ZC3H14: variants seen among roughly 807,000 people sequenced by gnomAD.
ZC3H14 encodes the protein zinc finger CCCH domain-containing protein 14.
A neutral mutation model predicts 92.4 loss-of-function variants in ZC3H14; 31 were observed. That is an observed-to-expected ratio of 0.34 (90% confidence interval 0.25 to 0.45). The LOEUF (loss-of-function observed/expected upper bound fraction) is 0.45. Among genes scored for constraint, ZC3H14 ranks in the 20% least tolerant of loss-of-function variants. The pLI is 1.00. For missense variants in ZC3H14, 781 were observed against 897.3 expected (o/e 0.87, Z 1.66); for synonymous variants, 321 against 300.9 (o/e 1.07, Z -0.69).
At chr14:88,596,464 C>T (rs1039786695) in intron 9 of ZC3H14, among the ~76,000 whole-genome samples, 4 of 152,074 alleles carry the variant, frequency 2.6e-5, no homozygotes, top group South Asian at 2.1e-4. Context: ...TTACTTTCCC[C>T]GCAGAATTCA....
chr14:88,571,427 A>T (rs1024864131), intron 4 of ZC3H14, among the ~76,000 whole-genome samples: 2 of 152,226 alleles, frequency 1.3e-5, no homozygotes, highest in African/African-American at 4.8e-5. Flanking sequence ...AAGTTCAGTC[A>T]TAATAAACGA....
intron 10 of ZC3H14, among the ~76,000 whole-genome samples, chr14:88,601,357 G>T (rs1442106328): frequency 6.6e-6 from 1 of 152,150 alleles, no homozygotes; most frequent in Non-Finnish European, 1.5e-5. Context: ...GTGAGCTTAT[G>T]GTTATTTGCA....
chr14:88,613,406 T>C lies in ZC3H14; in HGVS notation c.*1655T>C, dbSNP rs1004647441. The stretch of plus-strand genomic sequence containing the variant: ...TACTTTTAGCTATCATTTATAAAGA[T>C]AGTTTTGTTCTCAGTTTCACTATAA... On this transcript the variant is annotated 3_prime_UTR_variant, in exon 17 of 17. Transcript: ENST00000251038. 8.1e-5 allele frequency: 12 copies of C among 147,618 alleles called. 1 individual carries two copies. The highest frequency in any genetic ancestry group is 6.6e-4 in the Admixed American group (10 of 15,040). 9.1% of individuals were successfully genotyped at this position (147,618 alleles called of 1,614,324 possible). A position where few individuals can be genotyped will look rare whatever the true frequency, so the allele number is the denominator to read the frequency against.
In ZC3H14 at chr14:88,575,832, T is replaced by A; in HGVS notation, c.1023-8T>A. ...GTTTAATAAAAATACCTTTCTTAACTCTTTTAGACCTTCTCTTCCACCTTC... is the reference window on the plus strand; with the variant it reads ...GTTTAATAAAAATACCTTTCTTAACACTTTTAGACCTTCTCTTCCACCTTC... On this transcript the variant is annotated splice_region_variant and splice_polypyrimidine_tract_variant and intron_variant, in intron 7 of 16. Transcript: ENST00000251038. 6.2e-7 allele frequency: 1 copy of A among 1,608,728 alleles called. No homozygotes were observed. The highest frequency in any genetic ancestry group is 1.7e-5 in the Admixed American group (1 of 59,988).
chr14:88,610,748 G>A (rs1479336668), intron 15 of ZC3H14, 86 bp from the exon 16 acceptor site: 1 of 1,341,882 alleles, frequency 7.5e-7, no homozygotes, highest in Non-Finnish European at 1.1e-6. Flanking sequence ...GGGTGACAGA[G>A]TGAGACCCTG....
intron 9 of ZC3H14, among the ~76,000 whole-genome samples, chr14:88,583,058 A>G (rs1219929332): frequency 1.4e-5 from 2 of 146,122 alleles, no homozygotes; most frequent in Admixed American, 1.4e-4. Flanking sequence ...AAGACTTAAC[A>G]ACATTATTCT....
intron 10 of ZC3H14, among the ~76,000 whole-genome samples, chr14:88,597,851 T>C (rs553668745): frequency 2.4e-4 from 37 of 152,314 alleles, no homozygotes; most frequent in African/African-American, 8.7e-4. Context: ...TCCTTCAGCT[T>C]TTCATTGTAC....
intron 14 of ZC3H14, 122 bp downstream of exon 14, chr14:88,609,525 C>A: frequency 2.0e-6 from 3 of 1,500,904 alleles, no homozygotes; most frequent in Non-Finnish European, 9.2e-7. Flanking sequence ...ATCAGTTAAT[C>A]CAACCAGTCT....
In ZC3H14 at chr14:88,602,091, G is replaced by A. The variant is rs750360894; in HGVS notation, c.1514+8G>A. On this transcript the variant is annotated splice_region_variant and intron_variant, in intron 11 of 16. Transcript: ENST00000251038. ...ACACCTTATGCAGACACGGTAGATG[G>A]TTTCTTTTTCTTGTGTAGTTAATTT... The A allele has an allele frequency of 9.3e-6, 15 of 1,613,584 alleles. No homozygotes were observed. In the South Asian group the frequency reaches 1.4e-4, roughly 15 times the overall value.
chr14:88,600,333 C>T (rs1255047945), intron 10 of ZC3H14, among the ~76,000 whole-genome samples: 2 of 152,190 alleles, frequency 1.3e-5, no homozygotes, highest in Admixed American at 1.3e-4. Context: ...CCCTCTGTCC[C>T]GGGCAACAGC....
chr14:88,574,045 A>G (rs942587626), intron 6 of ZC3H14, among the ~76,000 whole-genome samples: 1 of 152,122 alleles, frequency 6.6e-6, no homozygotes, highest in African/African-American at 2.4e-5. Context: ...AGCATTTGAG[A>G]TATTAATCTT....
chr14:88,585,212 A>G (rs1479988822), intron 9 of ZC3H14, among the ~76,000 whole-genome samples: 3 of 152,136 alleles, frequency 2.0e-5, no homozygotes, highest in Admixed American at 1.3e-4. Flanking sequence ...TATTACAATT[A>G]CTGGTATAGT....
intron 10 of ZC3H14, among the ~76,000 whole-genome samples, chr14:88,601,583 A>G (rs1339506194): frequency 6.6e-6 from 1 of 152,238 alleles, no homozygotes; most frequent in Non-Finnish European, 1.5e-5. Context: ...AGGGAGCATT[A>G]GGACTCAAAT....
At position 88,611,812 on chromosome 14, in the gene ZC3H14, A is replaced by C. The variant is rs2086843280; in HGVS notation, c.*61A>C. On this transcript the variant is annotated 3_prime_UTR_variant, in exon 17 of 17. Coordinates refer to ENST00000251038, the MANE Select transcript of ZC3H14 (RefSeq NM_024824.5). ...GGAAGTTTTCATGTACTGATGAAAG[A>C]TACTCTACAGAACTTGTCAAATCTT... The C allele has an allele frequency of 1.2e-6, 2 of 1,607,952 alleles. No individual in the cohort carries two copies. The highest frequency in any genetic ancestry group is 4.5e-5 in the East Asian group (2 of 44,824).
chr14:88,616,904 CTCA>C lies in ZC3H14; in HGVS notation c.*5158_*5160del. 1 of 1,609,498 alleles carries C rather than the reference CTCA, an allele frequency of 6.2e-7. No individual in the cohort carries two copies. ...ACTAGAGGGAAGGAACAAAAGAAAA[CTCA>C]TCATGGCAAGTGCGGGCAGGTTGAC... On this transcript the variant is annotated 3_prime_UTR_variant, in exon 17 of 17. Coordinates refer to ENST00000251038, the MANE Select transcript of ZC3H14 (RefSeq NM_024824.5).
At chr14:88,608,358 C>T (rs577873095) in intron 13 of ZC3H14, 5 of 466,348 alleles carry the variant, frequency 1.1e-5, no homozygotes, top group African/African-American at 4.0e-5. Flanking sequence ...CCCCATCTCA[C>T]CCTGCAAGTC....
rs1400440049 is a variant in ZC3H14 at position 88,621,739 on chromosome 14, AAC to A, written c.*9991_*9992del. On this transcript the variant is annotated 3_prime_UTR_variant, in exon 17 of 17. Transcript: ENST00000251038. ...TTTATAAATACACTTAATAAGTACAAACACGCTCAAAAATTTTCATAGGAGTT... is the reference window on the plus strand; with the variant it reads ...TTTATAAATACACTTAATAAGTACAAACGCTCAAAAATTTTCATAGGAGTT... The A allele has an allele frequency of 5.2e-5, 18 of 348,146 alleles. No individual in the cohort carries two copies. The highest frequency in any genetic ancestry group is 1.7e-4 in the Admixed American group (5 of 28,582). The allele number at this position is 348,146 out of a possible 1,614,324, so 21.6% of individuals were successfully genotyped here.
At chr14:88,583,172 C>A (rs913342356) in intron 9 of ZC3H14, among the ~76,000 whole-genome samples, 14 of 149,900 alleles carry the variant, frequency 9.3e-5, no homozygotes, top group African/African-American at 3.5e-4. Flanking sequence ...CTCACTGTCA[C>A]CTAGGCTAGA....
In ZC3H14 at chr14:88,620,225, C is replaced by G. The variant is rs963720550; in HGVS notation, c.*8474C>G. 1.3e-5 allele frequency: 2 copies of G among 152,144 alleles called. No individual in the cohort carries two copies. The highest frequency in any genetic ancestry group is 4.8e-5 in the African/African-American group (2 of 41,404). 9.4% of individuals were successfully genotyped at this position (152,144 alleles called of 1,614,324 possible). ...TCAATAATCTTATCTACTGATCACA[C>G]GGAAGTACTCCGTAAATGGTAGCCA... On this transcript the variant is annotated 3_prime_UTR_variant, in exon 17 of 17. Coordinates refer to ENST00000251038, the MANE Select transcript of ZC3H14 (RefSeq NM_024824.5). The surrounding 1 kb of genome is among the most constrained non-coding windows in gnomAD (Gnocchi z 4.3).
Sources: allele counts gnomAD v4.1 joint callset (sites outside exome capture counted in the v4.1 genomes callset), GRCh38; gene constraint gnomAD v4.1.1; non-coding constraint Gnocchi (gnomAD v3.1); transcripts MANE v1.5; gene names NCBI Gene and HGNC (gene_info 2026-07-23, HGNC 2026-07-21).